Variants in ANK2 observed in about 807,000 individuals in gnomAD.
The protein encoded by ANK2 is ankyrin 2.
ANK2 carries 83 observed loss-of-function variants against 360.5 expected under a neutral mutation model. The observed-to-expected ratio is 0.23, with a 90% CI of 0.19 to 0.28. The LOEUF is 0.28. ANK2 is among the 10% of genes least tolerant of loss of function. The pLI is 1.00. For missense variants in ANK2, 4,201 were observed against 4,795.7 expected, an observed-to-expected ratio of 0.88 and a Z score of 3.66; for synonymous variants, 1,740 against 1,759.5, an observed-to-expected ratio of 0.99 and a Z score of 0.28.
intron 1 of ANK2, among the ~76,000 whole-genome samples, chr4:113,092,293 C>T (rs1268432172): frequency 6.6e-6 from 1 of 152,170 alleles, no homozygotes; most frequent in Non-Finnish European, 1.5e-5. Flanking sequence ...ATAGTTCAGG[C>T]TTGCCTTTGC....
At chr4:112,768,679 C>T in the ANK2 span, among the ~76,000 whole-genome samples, 1 of 152,230 alleles carries the variant, frequency 6.6e-6, no homozygotes, top group East Asian at 1.9e-4. Flanking sequence ...AACAAACAAA[C>T]AAACAAAAAA....
intron 40 of ANK2, among the ~76,000 whole-genome samples, chr4:113,364,115 C>T (rs2096397848): frequency 6.6e-6 from 1 of 152,104 alleles, no homozygotes; most frequent in Admixed American, 6.6e-5. Context: ...TTTCACTTTG[C>T]AAAGATTTAT....
chr4:112,878,379 T>C (rs1409857752), intron 1 of ANK2, among the ~76,000 whole-genome samples: 1 of 152,228 alleles, frequency 6.6e-6, no homozygotes, highest in Non-Finnish European at 1.5e-5. Flanking sequence ...CAGGCCTGAG[T>C]GCAGTGGTGC....
At chr4:112,719,705 C>T in the ANK2 span, among the ~76,000 whole-genome samples, 2 of 142,246 alleles carry the variant, frequency 1.4e-5, no homozygotes, top group African/African-American at 5.3e-5. Context: ...CCAGCCTGGG[C>T]GACAGAGCGA....
At position 113,348,037 on chromosome 4, in the gene ANK2, G is replaced by A. The variant is rs183961709; in HGVS notation, c.4372-239G>A. The A allele has an allele frequency of 2.4e-5, 13 of 544,620 alleles. No individual in the cohort carries two copies. The East Asian group carries it at 3.9e-4, about 16-fold the overall frequency. 33.7% of individuals were successfully genotyped at this position (544,620 alleles called of 1,614,324 possible). ...CGTGGTGACCTAGTATCTGGAATTA[G>A]TATATTTATAATGTTGGTTCTTTTG... On this transcript the variant is annotated intron_variant, in intron 35 of 45. Transcript: ENST00000357077.
intron 2 of ANK2, among the ~76,000 whole-genome samples, chr4:112,939,083 C>T (rs780892142): frequency 2.2e-4 from 34 of 152,008 alleles, no homozygotes; most frequent in Non-Finnish European, 4.4e-4. Flanking sequence ...TAGTTTTGTA[C>T]CCTAGCTACT....
Position 112,891,548 on chromosome 4 carries a change from G to A in ANK2, c.-39-12907G>A, listed in dbSNP as rs117541799. Among the ~76,000 whole-genome samples, 271 of 152,210 alleles carry A rather than the reference G, an allele frequency of 1.8e-3. 5 individuals are homozygous for A. The East Asian group carries it at 0.042, about 24-fold the overall frequency. On this transcript the variant is annotated intron_variant, in intron 1 of 30. Coordinates refer to the ANK2 transcript ENST00000503271. ...TTATTTAAAAAGCTAGAGGTAATAT[G>A]GCTTAGTAGTTAGAAGTAGCAGCTC...
At chr4:113,090,489 A>T (rs1036210532) in intron 1 of ANK2, among the ~76,000 whole-genome samples, 10 of 152,190 alleles carry the variant, frequency 6.6e-5, no homozygotes, top group Non-Finnish European at 7.3e-5. Context: ...ATCTGTTCTT[A>T]AATGGCCCAA....
At chr4:113,178,995 C>G (rs1018652262) in intron 2 of ANK2, among the ~76,000 whole-genome samples, 9 of 152,126 alleles carry the variant, frequency 5.9e-5, no homozygotes. Context: ...TCTACTACTG[C>G]TAATATAAAA....
intron 1 of ANK2, among the ~76,000 whole-genome samples, chr4:113,152,873 C>T (rs1343753210): frequency 6.6e-6 from 1 of 151,854 alleles, no homozygotes; most frequent in Non-Finnish European, 1.5e-5. Flanking sequence ...TGCACTCCAG[C>T]CTAGGTGACA....
intron 1 of ANK2, among the ~76,000 whole-genome samples, chr4:112,883,219 A>G (rs1267352998): frequency 6.6e-6 from 1 of 151,288 alleles, no homozygotes; most frequent in Non-Finnish European, 1.5e-5. Context: ...TTGTATTTTT[A>G]GTAGAGATGA....
chr4:113,058,570 T>C (rs1257669972), intron 1 of ANK2, among the ~76,000 whole-genome samples: 1 of 152,178 alleles, frequency 6.6e-6, no homozygotes, highest in Non-Finnish European at 1.5e-5. Context: ...TTTTGTATAA[T>C]GCTTATCCCT....
At chr4:112,844,876 A>G (rs2121929) in intron 1 of ANK2, among the ~76,000 whole-genome samples, 106,614 of 152,094 alleles carry the variant, frequency 0.7, 37,866 homozygotes, top group East Asian at 0.97. Context: ...CTAGAACCAG[A>G]ATCAATGAGA....
At chr4:112,889,303 A>G (rs1177523254) in intron 1 of ANK2, among the ~76,000 whole-genome samples, 1 of 151,350 alleles carries the variant, frequency 6.6e-6, no homozygotes, top group Non-Finnish European at 1.5e-5. Context: ...TATGGGAGAT[A>G]TTGCCCTTTT....
chr4:113,360,536 A>G lies in ANK2; in HGVS notation c.10682-287A>G, dbSNP rs184578975. Among the ~76,000 whole-genome samples, 106 of 152,172 alleles carry G rather than the reference A, an allele frequency of 7.0e-4. 3 individuals are homozygous for G. Among genetic ancestry groups the G allele is most frequent in the Middle Eastern group, 3.4e-3 (1 of 294 alleles). ...CTTCTTGGTGGGCAGTATTCTCTCC[A>G]ATAATTTAAAAGTCATAAGATTACT... On this transcript the variant is annotated intron_variant, in intron 38 of 45. Transcript: ENST00000357077.
At chr4:112,879,832 C>G (rs2076219190) in intron 1 of ANK2, among the ~76,000 whole-genome samples, 1 of 152,174 alleles carries the variant, frequency 6.6e-6, no homozygotes, top group Non-Finnish European at 1.5e-5. Context: ...TACCCAGTGT[C>G]TATGTGATCT....
Position 113,193,221 on chromosome 4 carries a change from C to A in ANK2, c.187-3147C>A, listed in dbSNP as rs796332003. Among the ~76,000 whole-genome samples, 9 of 152,196 alleles carry A rather than the reference C, an allele frequency of 5.9e-5. 1 individual carries two copies. The highest frequency in any genetic ancestry group is 2.2e-4 in the African/African-American group (9 of 41,536). ...ATCATTTGGGAATTTAAAAGAAACCCTTGAAGATCTGAGAATAACTAATAA... is the reference window on the plus strand; with the variant it reads ...ATCATTTGGGAATTTAAAAGAAACCATTGAAGATCTGAGAATAACTAATAA... On this transcript the variant is annotated intron_variant, in intron 2 of 45. Transcript: ENST00000357077.
chr4:112,744,454 C>A, the ANK2 span, among the ~76,000 whole-genome samples: 1 of 150,886 alleles, frequency 6.6e-6, no homozygotes, highest in Non-Finnish European at 1.5e-5. Flanking sequence ...TCAAGCAATT[C>A]TCCCACCTCA....
chr4:113,205,371 A>T (rs1238000680), intron 4 of ANK2, among the ~76,000 whole-genome samples: 1 of 150,928 alleles, frequency 6.6e-6, no homozygotes, highest in Admixed American at 6.6e-5. Flanking sequence ...TCTCATAAGG[A>T]TTCTAGAAAC....
Sources: allele counts gnomAD v4.1 joint callset (sites outside exome capture counted in the v4.1 genomes callset), GRCh38; gene constraint gnomAD v4.1.1; transcripts MANE v1.5; gene names NCBI Gene and HGNC (gene_info 2026-07-23, HGNC 2026-07-21).